The following KCNQ5 variants were observed in gnomAD, a reference collection of about 807,000 sequenced individuals.
The protein encoded by KCNQ5 is potassium voltage-gated channel subfamily Q member 5.
KCNQ5 carries 30 observed loss-of-function variants against 98.2 expected under a neutral mutation model. The ratio of observed to expected loss-of-function variants is 0.31; its 90% CI spans 0.23 to 0.41. The LOEUF is 0.41. Among genes scored for constraint, KCNQ5 ranks in the 10% least tolerant of loss-of-function variants. The pLI is 1.00. For synonymous variants in KCNQ5, 458 were observed against 449.4 expected (o/e 1.02, Z -0.24); for missense variants, 835 against 1,182.5 (o/e 0.71, Z 4.31).
chr6:73,000,390 A>G (rs756112649), intron 1 of KCNQ5, among the ~76,000 whole-genome samples: 5 of 152,286 alleles, frequency 3.3e-5, no homozygotes, highest in Non-Finnish European at 7.4e-5. Flanking sequence ...AATATCCTCT[A>G]TGCTTATTTA....
intron 1 of KCNQ5, among the ~76,000 whole-genome samples, chr6:72,720,657 A>T (rs1436649798): frequency 6.6e-6 from 1 of 152,186 alleles, no homozygotes; most frequent in Non-Finnish European, 1.5e-5. Flanking sequence ...GTGATATGTG[A>T]GTCATAATTA....
At chr6:72,699,312 T>G (rs1768676987) in intron 1 of KCNQ5, among the ~76,000 whole-genome samples, 1 of 152,224 alleles carries the variant, frequency 6.6e-6, no homozygotes, top group Admixed American at 6.5e-5. Flanking sequence ...ATCAGACGAC[T>G]GCTCAGGTTC....
chr6:73,058,208 C>T (rs554899919), intron 3 of KCNQ5, among the ~76,000 whole-genome samples: 2 of 152,098 alleles, frequency 1.3e-5, no homozygotes, highest in Non-Finnish European at 2.9e-5. Context: ...GTCAGGAGAT[C>T]GAGACCATCC....
intron 1 of KCNQ5, among the ~76,000 whole-genome samples, chr6:72,855,357 T>C (rs370122901): frequency 5.3e-5 from 8 of 152,044 alleles, no homozygotes; most frequent in African/African-American, 1.9e-4. Flanking sequence ...TTTACTAAAA[T>C]GCTAGGTTAA....
intron 1 of KCNQ5, among the ~76,000 whole-genome samples, chr6:72,859,306 A>T (rs1777662922): frequency 6.6e-6 from 1 of 152,202 alleles, no homozygotes; most frequent in Non-Finnish European, 1.5e-5. Flanking sequence ...GGCATTGAAC[A>T]CATCTATTGA....
At chr6:73,021,858 C>G (rs185694678) in intron 2 of KCNQ5, among the ~76,000 whole-genome samples, 110 of 152,250 alleles carry the variant, frequency 7.2e-4, no homozygotes, top group South Asian at 5.0e-3. Flanking sequence ...ACACAAGTTT[C>G]AAAGTCTAAA....
At chr6:73,033,861 A>T (rs972568112) in intron 2 of KCNQ5, among the ~76,000 whole-genome samples, 2 of 152,174 alleles carry the variant, frequency 1.3e-5, no homozygotes, top group African/African-American at 4.8e-5. Flanking sequence ...TCCCTTTGGT[A>T]AAAACATTCA....
chr6:72,779,847 G>C (rs866489432), intron 1 of KCNQ5, among the ~76,000 whole-genome samples: 1 of 144,522 alleles, frequency 6.9e-6, no homozygotes, highest in African/African-American at 2.7e-5. Flanking sequence ...GTGTGTGTGT[G>C]TGTGTGTGTG....
At chr6:72,747,438 A>G (rs1376133485) in intron 1 of KCNQ5, among the ~76,000 whole-genome samples, 1 of 152,202 alleles carries the variant, frequency 6.6e-6, no homozygotes, top group East Asian at 1.9e-4. Context: ...TGGGACTGCC[A>G]AAGTGGCCCA....
chr6:72,665,747 G>T (rs1766780879), intron 1 of KCNQ5, among the ~76,000 whole-genome samples: 1 of 152,168 alleles, frequency 6.6e-6, no homozygotes, highest in Non-Finnish European at 1.5e-5. Flanking sequence ...CCGCATGAGG[G>T]TGATTATAGG....
chr6:73,174,843 G>A (rs746760730), intron 11 of KCNQ5, among the ~76,000 whole-genome samples: 3 of 152,120 alleles, frequency 2.0e-5, no homozygotes, highest in Non-Finnish European at 2.9e-5. Flanking sequence ...CGGTATACAC[G>A]GTCAGCACTA....
At chr6:73,019,249 C>T (rs1291128736) in intron 2 of KCNQ5, among the ~76,000 whole-genome samples, 2 of 152,096 alleles carry the variant, frequency 1.3e-5, no homozygotes, top group African/African-American at 2.4e-5. Flanking sequence ...GAATTGTTTT[C>T]GTTAGGTCTC....
chr6:72,777,829 C>T (rs2154477711), intron 1 of KCNQ5, among the ~76,000 whole-genome samples: 1 of 152,322 alleles, frequency 6.6e-6, no homozygotes, highest in Middle Eastern at 3.4e-3. Context: ...TGCCCCGACA[C>T]ACCCTCCATT....
intron 1 of KCNQ5, among the ~76,000 whole-genome samples, chr6:72,891,614 T>A (rs758525739): frequency 3.9e-5 from 6 of 152,184 alleles, no homozygotes; most frequent in Admixed American, 6.5e-5. Flanking sequence ...AGTCATGTAA[T>A]GAATGCCTCA....
intron 1 of KCNQ5, among the ~76,000 whole-genome samples, chr6:72,887,666 A>G (rs2150179396): frequency 6.6e-6 from 1 of 152,340 alleles, no homozygotes; most frequent in East Asian, 1.9e-4. Flanking sequence ...AGGTCCTTGT[A>G]TTATTCCAAA....
chr6:73,136,271 T>C (rs2150461659), intron 10 of KCNQ5: 1 of 152,360 alleles, frequency 6.6e-6, no homozygotes, highest in African/African-American at 2.4e-5. Context: ...GCTGAGCATA[T>C]TTAAATAAAA....
intron 1 of KCNQ5, among the ~76,000 whole-genome samples, chr6:72,980,241 G>C (rs900801630): frequency 1.3e-5 from 2 of 152,142 alleles, no homozygotes; most frequent in African/African-American, 4.8e-5. Context: ...AATGGGGATG[G>C]CATTGAATCT....
intron 10 of KCNQ5, among the ~76,000 whole-genome samples, chr6:73,139,657 C>T (rs1776625088): frequency 6.6e-6 from 1 of 152,108 alleles, no homozygotes; most frequent in Non-Finnish European, 1.5e-5. Context: ...TAGACTGTCT[C>T]CTTGAATTTC....
At position 72,836,587 on chromosome 6, in the gene KCNQ5, C is replaced by T. The variant is rs185322424; in HGVS notation, c.399-167321C>T. 1.9e-3 allele frequency among the ~76,000 whole-genome samples: 285 copies of T among 152,080 alleles called. 2 individuals carry two copies. The highest frequency in any genetic ancestry group is 4.5e-3 in the African/African-American group (187 of 41,490). On this transcript the variant is annotated intron_variant, in intron 1 of 13. Transcript: ENST00000370398. ...CCAAGTAGCTGGGACTACACATGTG[C>T]GCCACCACACTCTGCTAATTTTTTT... is the stretch of plus-strand genomic sequence containing the variant.
Sources: gnomAD v4.1 joint callset for allele counts (sites outside exome capture counted in the v4.1 genomes callset) on GRCh38, gnomAD v4.1.1 for gene constraint, MANE v1.5 for transcripts, NCBI Gene and HGNC (gene_info 2026-07-23, HGNC 2026-07-21) for gene names.